CRTAC1: variants seen among roughly 807,000 people sequenced by gnomAD.
CRTAC1 encodes cartilage acidic protein 1.
In CRTAC1, 37 loss-of-function variants were observed where a neutral mutation model predicts 67.8. The ratio of observed to expected loss-of-function variants is 0.55; its 90% CI spans 0.42 to 0.72. The LOEUF (loss-of-function observed/expected upper bound fraction) is 0.72, where lower values mean the gene tolerates loss of function less well. CRTAC1 is among the 30% of genes least tolerant of loss of function. The probability of loss-of-function intolerance (pLI) is 0.00; values close to 1 mark genes in which losing one functional copy is unlikely to be tolerated. For synonymous variants in CRTAC1, 348 were observed against 371.0 expected, an observed-to-expected ratio of 0.94 and a Z score of 0.71; for missense variants, 780 against 931.6, an observed-to-expected ratio of 0.84 and a Z score of 2.12.
intron 14 of CRTAC1, 35 bp from the exon 15 acceptor site, chr10:97,865,749 G>C (rs771051703): frequency 1.3e-6 from 2 of 1,546,262 alleles, no homozygotes; most frequent in South Asian, 2.4e-5. Context: ...TGAGGGCCTT[G>C]CAGACCTGCG....
At chr10:98,000,566 T>C (rs1842669178) in intron 2 of CRTAC1, among the ~76,000 whole-genome samples, 4 of 152,188 alleles carry the variant, frequency 2.6e-5, no homozygotes, top group Admixed American at 2.6e-4. Flanking sequence ...CTTGGAGGCG[T>C]GGGATCCAGC....
intron 2 of CRTAC1, among the ~76,000 whole-genome samples, chr10:97,966,686 G>A (rs2051621409): frequency 6.6e-6 from 1 of 152,096 alleles, no homozygotes; most frequent in Non-Finnish European, 1.5e-5. Context: ...ACATTTAATT[G>A]TCATAGCTCT....
chr10:97,874,123 G>A (rs1296535188), intron 14 of CRTAC1, among the ~76,000 whole-genome samples: 1 of 152,208 alleles, frequency 6.6e-6, no homozygotes. Flanking sequence ...AGGAGCAGCC[G>A]GCAACCCGGC....
At chr10:97,891,797 C>T (rs1043325021) in intron 11 of CRTAC1, among the ~76,000 whole-genome samples, 5 of 152,230 alleles carry the variant, frequency 3.3e-5, no homozygotes, top group African/African-American at 1.2e-4. Flanking sequence ...CTGAGCTCCA[C>T]TCATAAAAGA....
chr10:98,020,539 T>C (rs1843095293), intron 1 of CRTAC1, among the ~76,000 whole-genome samples: 1 of 152,248 alleles, frequency 6.6e-6, no homozygotes. Flanking sequence ...TTCAGCACCA[T>C]ACTGAATAGT....
chr10:97,948,290 G>A (rs1301353129), intron 2 of CRTAC1, among the ~76,000 whole-genome samples: 5 of 152,208 alleles, frequency 3.3e-5, no homozygotes, highest in African/African-American at 9.7e-5. Flanking sequence ...CCAAGGACTG[G>A]AAAAAGCAAG....
In CRTAC1 at chr10:97,900,538, C is replaced by G. The variant is rs1251432180; in HGVS notation, c.1133+965G>C. 3.6e-3 allele frequency among the ~76,000 whole-genome samples: 449 copies of G among 125,486 alleles called. 6 individuals are homozygous for G. The highest frequency in any genetic ancestry group is 0.013 in the African/African-American group (374 of 29,094). 82.3% of individuals were successfully genotyped at this position (125,486 alleles called of 152,430 possible). On this transcript the variant is annotated intron_variant, in intron 8 of 14. Coordinates refer to ENST00000370597, the MANE Select transcript of CRTAC1 (RefSeq NM_018058.7). The stretch of plus-strand genomic sequence containing the variant: ...GCCCCTTTTCCTGGTAGTGATTGGA[C>G]CCCATAGCCTCTTTTCCTGGTAGTG...
At position 97,997,230 on chromosome 10, in the gene CRTAC1, TATAATAATAATAATA is replaced by T. The variant is rs111567944; in HGVS notation, c.224+13893_224+13907del. Among the ~76,000 whole-genome samples, 843 of 131,750 alleles carry T rather than the reference TATAATAATAATAATA, an allele frequency of 6.4e-3. 10 individuals are homozygous for T. The highest frequency in any genetic ancestry group is 0.023 in the African/African-American group (791 of 34,390). The allele number at this position is 131,750 out of a possible 152,430, so 86.4% of individuals were successfully genotyped here. A position where few individuals can be genotyped will look rare whatever the true frequency, so the allele number is the denominator to read the frequency against. Reference sequence around the variant, plus strand: ...TGCACATGTACCCTAAAACTTAAAGTATAATAATAATAATAATAATAATAATAATAATAATAATAA... The same window carrying T: ...TGCACATGTACCCTAAAACTTAAAGTATAATAATAATAATAATAATAATAA... On this transcript the variant is annotated intron_variant, in intron 2 of 14. Coordinates refer to ENST00000370597, the MANE Select transcript of CRTAC1 (RefSeq NM_018058.7).
chr10:97,894,013 G>T (rs146064355), intron 11 of CRTAC1, among the ~76,000 whole-genome samples: 311 of 152,320 alleles, frequency 2.0e-3, no homozygotes, highest in African/African-American at 7.2e-3. Context: ...CACCTAGGTT[G>T]TTTCTAGTTC....
At position 98,030,311 on chromosome 10, in the gene CRTAC1, C is replaced by T. The variant is rs138886660; in HGVS notation, c.24+138G>A. On this transcript the variant is annotated intron_variant, in intron 1 of 14. Transcript: ENST00000370597. This position sits in a 1 kb window ranked among gnomAD's most constrained non-coding sequence, Gnocchi z 4.2. Reference sequence around the variant, plus strand: ...GCCTCCCAGCAAGTTAGGAGCGAAGCCGCCGCCTTCGCGATCCCAGTCTTC... The same window carrying T: ...GCCTCCCAGCAAGTTAGGAGCGAAGTCGCCGCCTTCGCGATCCCAGTCTTC... The T allele has an allele frequency of 0.021, 10,446 of 508,904 alleles. 186 individuals carry two copies. The highest frequency in any genetic ancestry group is 0.024 in the Non-Finnish European group (7,757 of 319,414). The allele number at this position is 508,904 out of a possible 1,614,324, so 31.5% of individuals were successfully genotyped here. A position where few individuals can be genotyped will look rare whatever the true frequency, so the allele number is the denominator to read the frequency against.
intron 2 of CRTAC1, among the ~76,000 whole-genome samples, chr10:97,990,698 T>C (rs1177758854): frequency 6.6e-6 from 1 of 152,154 alleles, no homozygotes; most frequent in African/African-American, 2.4e-5. Flanking sequence ...AAGGCAGGAG[T>C]TGCTCTCATT....
In CRTAC1 at chr10:98,030,488, C is replaced by G; in HGVS notation, c.-16G>C. ...TCGGAGCCATCCTCCCGCTCTCGGCCCCGCCGCCTAGGGGCGTGGGAAGCG... is the reference window on the plus strand; with the variant it reads ...TCGGAGCCATCCTCCCGCTCTCGGCGCCGCCGCCTAGGGGCGTGGGAAGCG... On this transcript the variant is annotated 5_prime_UTR_variant, in exon 1 of 15. Transcript: ENST00000370597. This position sits in a 1 kb window ranked among gnomAD's most constrained non-coding sequence, Gnocchi z 4.2. 1 of 1,246,314 alleles carries G rather than the reference C, an allele frequency of 8.0e-7. No individual in the cohort carries two copies. The highest frequency in any genetic ancestry group is 1.0e-6 in the Non-Finnish European group (1 of 987,622). The allele number at this position is 1,246,314 out of a possible 1,614,324, so 77.2% of individuals were successfully genotyped here. A position where few individuals can be genotyped will look rare whatever the true frequency, so the allele number is the denominator to read the frequency against.
intron 1 of CRTAC1, among the ~76,000 whole-genome samples, chr10:98,028,934 G>C (rs489888): frequency 1.3e-5 from 2 of 152,216 alleles, no homozygotes; most frequent in South Asian, 2.1e-4. Context: ...ACACCGTTTC[G>C]ACCTTTTCCA....
rs146325718 is a variant in CRTAC1, at chr10:97,880,286, C to A, written c.1782G>T (p.Arg594=). The part of the protein sequence containing the change: ...YRCRTNKKCS[R]GYEPNEDGTA... ...TGCCATCCTCGTTGGGCTCGTAGCC[C>A]CGACTGCACTTCTTGTTGGTCCGGC... Residue 594 remains arginine, a synonymous_variant, in exon 14 of 15, where the codon CGG becomes CGT. Transcript: ENST00000370597. The A allele has an allele frequency of 9.0e-5, 146 of 1,614,202 alleles. No homozygotes were observed. In the African/African-American group the frequency reaches 1.8e-3, roughly 20 times the overall value.
chr10:97,998,589 G>T (rs1842629607), intron 2 of CRTAC1, among the ~76,000 whole-genome samples: 1 of 152,048 alleles, frequency 6.6e-6, no homozygotes, highest in African/African-American at 2.4e-5. Flanking sequence ...GATATTTTTA[G>T]ATTAAACAAA....
At chr10:97,960,023 G>A (rs759288723) in intron 2 of CRTAC1, among the ~76,000 whole-genome samples, 27 of 152,224 alleles carry the variant, frequency 1.8e-4, no homozygotes, top group East Asian at 1.9e-4. Context: ...TAAAATTACC[G>A]TCTCCCAGAA....
At chr10:97,969,396 A>T (rs1050784056) in intron 2 of CRTAC1, among the ~76,000 whole-genome samples, 6 of 152,168 alleles carry the variant, frequency 3.9e-5, no homozygotes, top group Non-Finnish European at 7.4e-5. Context: ...GGGACAGGGC[A>T]GCCACTCCAG....
intron 7 of CRTAC1, among the ~76,000 whole-genome samples, chr10:97,902,178 C>A (rs887616318): frequency 4.6e-5 from 7 of 152,308 alleles, no homozygotes; most frequent in African/African-American, 1.2e-4. Flanking sequence ...AAGTTACTAA[C>A]CCCCTTGGAT....
intron 1 of CRTAC1, 51 bp from the exon 2 acceptor site, chr10:98,011,388 T>C (rs777401044): frequency 6.2e-7 from 1 of 1,606,736 alleles, no homozygotes; most frequent in South Asian, 1.1e-5. Context: ...ACCAAAGCAA[T>C]CCCGGAACAT....
Sources: allele counts gnomAD v4.1 joint callset (sites outside exome capture counted in the v4.1 genomes callset), GRCh38; gene constraint gnomAD v4.1.1; non-coding constraint Gnocchi (gnomAD v3.1); transcripts MANE v1.5; gene names NCBI Gene and HGNC (gene_info 2026-07-23, HGNC 2026-07-21).